UNKL: variants seen among roughly 807,000 people sequenced by gnomAD.
UNKL encodes the protein unk like zinc finger.
A neutral mutation model predicts 78.0 loss-of-function variants in UNKL; 60 were observed. That is an observed-to-expected ratio of 0.77 (90% confidence interval 0.63 to 0.95). The LOEUF (loss-of-function observed/expected upper bound fraction) is 0.95, where lower values mean the gene tolerates loss of function less well. UNKL is among the 40% of genes least tolerant of loss of function. The pLI, the probability that UNKL is intolerant of heterozygous loss-of-function variation, is 0.00. For missense variants in UNKL, 1,159 were observed against 1,045.7 expected, an observed-to-expected ratio of 1.11 and a Z score of -1.49; for synonymous variants, 608 against 474.8, an observed-to-expected ratio of 1.28 and a Z score of -3.65.
chr16:1,407,279 G>A (rs1198997414), intron 2 of UNKL: 1 of 152,320 alleles, frequency 6.6e-6, no homozygotes, highest in African/African-American at 2.4e-5. Flanking sequence ...AATGCACAGT[G>A]GAGACCCAGC....
In UNKL at chr16:1,385,247, G is replaced by T. The variant is rs1033252229; in HGVS notation, c.1225C>A (p.Pro409Thr). ...ALPAPPARAL[P>T]LGPASSTVEA... Reference sequence around the variant, plus strand: ...ACAGTGCTGCTGGCGGGGCCGAGCGGGAGGGCACGGGCGGGGGGCGCGGGC... The same window carrying T: ...ACAGTGCTGCTGGCGGGGCCGAGCGTGAGGGCACGGGCGGGGGGCGCGGGC... Residue 409 changes from proline (P) to threonine (T), a missense_variant, in exon 10 of 15, where the codon CCG (proline) becomes ACG (threonine). By Grantham distance (38) the Pro-to-Thr change is conservative. Coordinates refer to ENST00000389221, the MANE Select transcript of UNKL (RefSeq NM_001372107.1). 35 of 1,316,166 alleles carry T rather than the reference G, an allele frequency of 2.7e-5. No homozygotes were observed. Among genetic ancestry groups the T allele is most frequent in the Middle Eastern group, 2.8e-4 (1 of 3,522 alleles). The allele number at this position is 1,316,166 out of a possible 1,614,324, so 81.5% of individuals were successfully genotyped here. A position where few individuals can be genotyped will look rare whatever the true frequency, so the allele number is the denominator to read the frequency against.
intron 12 of UNKL, 75 bp downstream of exon 12, chr16:1,370,055 A>T (rs1362645783): frequency 1.3e-6 from 2 of 1,550,488 alleles, no homozygotes; most frequent in Non-Finnish European, 1.7e-6. Context: ...GAGGCCCCTC[A>T]GTCAGGACGG....
intron 7 of UNKL, among the ~76,000 whole-genome samples, chr16:1,393,455 C>T (rs1010815816): frequency 2.7e-5 from 4 of 149,396 alleles, no homozygotes; most frequent in Admixed American, 1.3e-4. Flanking sequence ...GAGGAGGCCG[C>T]GTGGGTTCCC....
intron 9 of UNKL, among the ~76,000 whole-genome samples, chr16:1,388,112 C>T (rs760132959): frequency 3.9e-5 from 6 of 152,294 alleles, no homozygotes; most frequent in African/African-American, 9.6e-5. Flanking sequence ...GGAAGGGCCC[C>T]GGGCCCACCA....
Position 1,403,440 on chromosome 16 carries a change from G to A in UNKL, c.288-96C>T. 3 of 1,376,722 alleles carry A rather than the reference G, an allele frequency of 2.2e-6. No homozygotes were observed. Among genetic ancestry groups the A allele is most frequent in the Non-Finnish European group, 2.0e-6 (2 of 1,012,078 alleles). 85.3% of individuals were successfully genotyped at this position (1,376,722 alleles called of 1,614,324 possible). ...ACGCCCTGTCAGCACGTGGCAAGCA[G>A]TGAATTCCCTTCCCTTCTTCCAGAT... On this transcript the variant is annotated intron_variant, in intron 2 of 14. Coordinates refer to ENST00000389221, the MANE Select transcript of UNKL (RefSeq NM_001372107.1). The surrounding 1 kb of genome is among the most constrained non-coding windows in gnomAD (Gnocchi z 4.8).
rs1012784154 is a variant in UNKL at position 1,398,507 on chromosome 16, G to A, written c.734+867C>T. 1.1e-5 allele frequency: 14 copies of A among 1,278,832 alleles called. No individual in the cohort carries two copies. The African/African-American group carries it at 1.7e-4, about 15-fold the overall frequency. The allele number at this position is 1,278,832 out of a possible 1,614,324, so 79.2% of individuals were successfully genotyped here. A position where few individuals can be genotyped will look rare whatever the true frequency, so the allele number is the denominator to read the frequency against. On this transcript the variant is annotated intron_variant, in intron 5 of 14. Transcript: ENST00000389221. ...ACTGAACGTGGCATAACAACAAGGA[G>A]TGGGGCGTCCTTCCCAAAGGAAGCA...
intron 2 of UNKL, among the ~76,000 whole-genome samples, chr16:1,408,078 C>A: frequency 6.6e-6 from 1 of 152,170 alleles, no homozygotes; most frequent in Admixed American, 6.5e-5. Flanking sequence ...GCACTCCAGC[C>A]TGGGAGACAG....
chr16:1,404,751 T>C (rs887967089), intron 2 of UNKL, among the ~76,000 whole-genome samples: 1 of 152,168 alleles, frequency 6.6e-6, no homozygotes, highest in Non-Finnish European at 1.5e-5. Context: ...AAGCGCGGGC[T>C]TCCATCCACA....
intron 5 of UNKL, chr16:1,398,633 G>A: frequency 7.0e-7 from 1 of 1,436,410 alleles, no homozygotes; most frequent in Non-Finnish European, 9.1e-7. Flanking sequence ...AGGGCCTCAG[G>A]GAGGCCAAGG....
In UNKL at chr16:1,390,420, C is replaced by T. The variant is rs111434922; in HGVS notation, c.1086+212G>A. Among the ~76,000 whole-genome samples the T allele has an allele frequency of 1.7e-3, 254 of 152,336 alleles. 3 individuals are homozygous for T. Among genetic ancestry groups the T allele is most frequent in the African/African-American group, 5.2e-3 (218 of 41,574 alleles). On this transcript the variant is annotated intron_variant, in intron 9 of 14. Coordinates refer to ENST00000389221, the MANE Select transcript of UNKL (RefSeq NM_001372107.1). Reference sequence around the variant, plus strand: ...CTTTGTTTCCAAGGTATAACACGAACGTTTCAAACAGACAAACACGGGGGT... The same window carrying T: ...CTTTGTTTCCAAGGTATAACACGAATGTTTCAAACAGACAAACACGGGGGT...
rs1280639418 is a variant in UNKL, at chr16:1,403,210, G to A, written c.422C>T (p.Ala141Val). ...CGGCCGCAGGTCCAGGGGGCCGTGC[G>A]CGAAGGCACAGTGCAGCCCATTCTT... ...CVKNGLHCAF[A>V]HGPLDLRPPV... is the part of the protein sequence containing the mutation. The change falls in exon 3 of 15, where the codon GCG (alanine) becomes GTG (valine). Residue 141 changes from alanine to valine, a missense_variant. Ala to Val is a moderately conservative substitution (Grantham distance 64). Transcript: ENST00000389221. This position sits in a 1 kb window ranked among gnomAD's most constrained non-coding sequence, Gnocchi z 4.8. 5 of 1,613,782 alleles carry A rather than the reference G, an allele frequency of 3.1e-6. No individual in the cohort carries two copies. The Admixed American group carries it at 5.0e-5, about 16-fold the overall frequency.
chr16:1,414,157 G>A lies in UNKL; in HGVS notation c.78-102C>T, dbSNP rs1596792566. On this transcript the variant is annotated intron_variant, in intron 1 of 14. Transcript: ENST00000389221. ...CCGGCCTCAGGAGCCTCAACCCAGGGTCGACCCGTACTCACATTCCCGGCG... is the reference window on the plus strand; with the variant it reads ...CCGGCCTCAGGAGCCTCAACCCAGGATCGACCCGTACTCACATTCCCGGCG... 20 of 1,203,878 alleles carry A rather than the reference G, an allele frequency of 1.7e-5. 1 individual carries two copies. In the South Asian group the frequency reaches 3.0e-4, roughly 18 times the overall value. The allele number at this position is 1,203,878 out of a possible 1,614,324, so 74.6% of individuals were successfully genotyped here. A position where few individuals can be genotyped will look rare whatever the true frequency, so the allele number is the denominator to read the frequency against.
rs1226037290 is a variant in UNKL at position 1,363,539 on chromosome 16, G to A, written c.*2701C>T. 1.2e-5 allele frequency: 3 copies of A among 250,574 alleles called. No individual in the cohort carries two copies. Among genetic ancestry groups the A allele is most frequent in the Non-Finnish European group, 1.6e-5 (2 of 125,464 alleles). 15.5% of individuals were successfully genotyped at this position (250,574 alleles called of 1,614,324 possible). ...TCGAACACTAGAGTTACAGACGACAGGCAACAAGAACATGCAGAGCCGGCC... is the reference window on the plus strand; with the variant it reads ...TCGAACACTAGAGTTACAGACGACAAGCAACAAGAACATGCAGAGCCGGCC... On this transcript the variant is annotated 3_prime_UTR_variant, in exon 15 of 15. Transcript: ENST00000389221.
At chr16:1,398,686 C>G in intron 5 of UNKL, 1 of 1,146,552 alleles carries the variant, frequency 8.7e-7, no homozygotes, top group Non-Finnish European at 1.1e-6. Context: ...TCTGCACCCC[C>G]CCACCCCCCT....
chr16:1,369,708 C>T (rs113492335), intron 12 of UNKL, among the ~76,000 whole-genome samples: 14 of 152,308 alleles, frequency 9.2e-5, no homozygotes, highest in African/African-American at 3.4e-4. Context: ...TAGCCGGGCA[C>T]GGTGGCTCAC....
At chr16:1,396,108 A>G (rs1024171553) in intron 6 of UNKL, among the ~76,000 whole-genome samples, 6 of 151,396 alleles carry the variant, frequency 4.0e-5, no homozygotes, top group Non-Finnish European at 7.4e-5. Flanking sequence ...CACCTGGCTA[A>G]TTTTTGTATT....
chr16:1,376,049 T>A (rs2369696), intron 10 of UNKL, among the ~76,000 whole-genome samples: 1 of 151,334 alleles, frequency 6.6e-6, no homozygotes, highest in South Asian at 2.1e-4. Context: ...GTGAGATCTG[T>A]GGCGGGCAGG....
intron 10 of UNKL, among the ~76,000 whole-genome samples, chr16:1,376,507 C>T (rs988742379): frequency 1.2e-4 from 18 of 152,128 alleles, no homozygotes; most frequent in Non-Finnish European, 1.5e-5. Context: ...CGTCCATCCT[C>T]CTTCATGGCT....
intron 14 of UNKL, among the ~76,000 whole-genome samples, 160 bp from the exon 15 acceptor site, chr16:1,366,555 G>T (rs1449802423): frequency 6.6e-6 from 1 of 152,206 alleles, no homozygotes; most frequent in East Asian, 1.9e-4. Context: ...GCCACCTCAG[G>T]GAGAAGGCAG....
Sources: gnomAD v4.1 joint callset for allele counts (sites outside exome capture counted in the v4.1 genomes callset) on GRCh38, gnomAD v4.1.1 for gene constraint, Gnocchi (gnomAD v3.1) non-coding constraint, MANE v1.5 for transcripts, NCBI Gene and HGNC (gene_info 2026-07-23, HGNC 2026-07-21) for gene names.